Variants in BRD4 observed in about 807,000 individuals in gnomAD.
BRD4 encodes the protein bromodomain-containing protein 4.
A neutral mutation model predicts 142.1 loss-of-function variants in BRD4; 16 were observed. The observed-to-expected ratio is 0.11, with a 90% CI of 0.08 to 0.17. The LOEUF (loss-of-function observed/expected upper bound fraction) is 0.17, where lower values mean the gene tolerates loss of function less well. BRD4 is among the 10% of genes least tolerant of loss of function. The pLI, the probability that BRD4 is intolerant of heterozygous loss-of-function variation, is 1.00. For missense variants in BRD4, 1,424 were observed against 1,810.9 expected (o/e 0.79, Z 3.88); for synonymous variants, 833 against 707.5 (o/e 1.18, Z -2.82).
In BRD4 at chr19:15,257,864, C is replaced by T. The variant is rs990706162; in HGVS notation, c.1342-691G>A. Reference sequence around the variant, plus strand: ...CAGGCTACAGGAGGGAGCCACTGTGCGCAGGAGACCCTAAGACCTTTCAAC... The same window carrying T: ...CAGGCTACAGGAGGGAGCCACTGTGTGCAGGAGACCCTAAGACCTTTCAAC... On this transcript the variant is annotated intron_variant, in intron 7 of 19. Transcript: ENST00000679869. 3.3e-5 allele frequency among the ~76,000 whole-genome samples: 5 copies of T among 152,144 alleles called. No homozygotes were observed. The South Asian group carries it at 6.2e-4, about 19-fold the overall frequency.
chr19:15,297,348 G>A (rs1266398477), intron 1 of BRD4, among the ~76,000 whole-genome samples: 1 of 152,136 alleles, frequency 6.6e-6, no homozygotes, highest in Non-Finnish European at 1.5e-5. Flanking sequence ...GAGAGCCGCT[G>A]CTAAGAAAAC....
Position 15,327,918 on chromosome 19 carries a change from T to TGGGGG in BRD4, c.-35+4367_-35+4371dup, listed in dbSNP as rs71176403. Among the ~76,000 whole-genome samples, 43 of 17,840 alleles carry TGGGGG rather than the reference T, an allele frequency of 2.4e-3. 1 individual carries two copies. Among genetic ancestry groups the TGGGGG allele is most frequent in the East Asian group, 5.1e-3 (2 of 394 alleles). 11.7% of individuals were successfully genotyped at this position (17,840 alleles called of 152,430 possible). A position where few individuals can be genotyped will look rare whatever the true frequency, so the allele number is the denominator to read the frequency against. On this transcript the variant is annotated intron_variant, in intron 1 of 19. Transcript: ENST00000679869. ...GGAATGATAGGTAATGGATTTCTTT[T>TGGGGG]GGGGGGGGGGGGTGGAAATGTCCTA... is the stretch of plus-strand genomic sequence containing the variant.
chr19:15,288,530 C>T (rs1337551768), intron 1 of BRD4, among the ~76,000 whole-genome samples: 6 of 152,250 alleles, frequency 3.9e-5, no homozygotes, highest in African/African-American at 9.6e-5. Context: ...AGAATTCATC[C>T]GGAACTGCAG....
chr19:15,288,479 A>G (rs796660506), intron 1 of BRD4, among the ~76,000 whole-genome samples: 5 of 152,362 alleles, frequency 3.3e-5, no homozygotes, highest in African/African-American at 1.2e-4. Context: ...TCACCCATCA[A>G]AAATCAGCTC....
chr19:15,323,810 G>A (rs928026378), intron 1 of BRD4, among the ~76,000 whole-genome samples: 1 of 152,168 alleles, frequency 6.6e-6, no homozygotes, highest in Admixed American at 6.5e-5. Flanking sequence ...TACTAAGTAG[G>A]AAGGGCCTGG....
chr19:15,299,450 ATCAAC>A (rs1235128292), intron 1 of BRD4, among the ~76,000 whole-genome samples: 1 of 152,218 alleles, frequency 6.6e-6, no homozygotes, highest in Non-Finnish European at 1.5e-5. Context: ...CAGCAAAGTA[ATCAAC>A]TCAAGAGTCC....
chr19:15,280,565 G>C, intron 1 of BRD4: 1 of 554,724 alleles, frequency 1.8e-6, no homozygotes, highest in Non-Finnish European at 2.3e-6. Context: ...CCACTGTGCT[G>C]AAGTCATGAG....
intron 1 of BRD4, among the ~76,000 whole-genome samples, chr19:15,273,585 C>A (rs748100532): frequency 2.6e-5 from 4 of 152,182 alleles, no homozygotes; most frequent in Non-Finnish European, 5.9e-5. Context: ...CACAAAGCAT[C>A]GAGCAAAGTC....
At chr19:15,248,932 G>C (rs2047316114) in intron 11 of BRD4, 1 of 441,294 alleles carries the variant, frequency 2.3e-6, no homozygotes, top group East Asian at 3.8e-5. Context: ...TTTGCACACA[G>C]AGTAGCACCA....
chr19:15,281,137 C>T (rs1323987288), intron 1 of BRD4, among the ~76,000 whole-genome samples: 1 of 152,242 alleles, frequency 6.6e-6, no homozygotes, highest in Non-Finnish European at 1.5e-5. Flanking sequence ...CCAGACTGCG[C>T]CGCCTGGAGC....
At chr19:15,310,871 T>C (rs1352667862) in intron 1 of BRD4, among the ~76,000 whole-genome samples, 3 of 152,166 alleles carry the variant, frequency 2.0e-5, no homozygotes, top group African/African-American at 7.2e-5. Context: ...CCTTTGTGCC[T>C]ACTCTTCACC....
chr19:15,313,893 G>A (rs2047995302), intron 1 of BRD4, among the ~76,000 whole-genome samples: 1 of 152,100 alleles, frequency 6.6e-6, no homozygotes, highest in South Asian at 2.1e-4. Context: ...CTCAGCACAA[G>A]TAACTGCTCA....
At chr19:15,252,153 T>C (rs1002421648) in intron 11 of BRD4, among the ~76,000 whole-genome samples, 1 of 151,850 alleles carries the variant, frequency 6.6e-6, no homozygotes, top group Non-Finnish European at 1.5e-5. Context: ...GCATTCCCAC[T>C]CCTCTCCCAA....
chr19:15,322,185 G>A (rs1342618678), intron 1 of BRD4, among the ~76,000 whole-genome samples: 1 of 152,114 alleles, frequency 6.6e-6, no homozygotes, highest in Non-Finnish European at 1.5e-5. Flanking sequence ...CTTGAAAATT[G>A]TGACACCCTC....
chr19:15,239,916 C>T lies in BRD4; in HGVS notation c.3276G>A (p.Lys1092=). The T allele has an allele frequency of 1.9e-6, 3 of 1,614,106 alleles. No individual in the cohort carries two copies. Among genetic ancestry groups the T allele is most frequent in the Non-Finnish European group, 2.5e-6 (3 of 1,180,012 alleles). Residue 1092 remains lysine, a synonymous_variant, in exon 15 of 20, where the codon AAG becomes AAA. Coordinates refer to ENST00000679869, the MANE Select transcript of BRD4 (RefSeq NM_001379291.1). This position sits in a 1 kb window ranked among gnomAD's most constrained non-coding sequence, Gnocchi z 7.4. ...GCCCAGCCCTGCCAGTTACCTGTTT[C>T]TTAGGCTGGACGTTTTGCTGGGGTG... is the stretch of plus-strand genomic sequence containing the variant. The part of the protein sequence containing the change: ...QSPPQQNVQP[K]KQELRAASVV...
intron 1 of BRD4, among the ~76,000 whole-genome samples, chr19:15,327,280 T>G (rs1405273107): frequency 6.6e-6 from 1 of 152,214 alleles, no homozygotes; most frequent in Non-Finnish European, 1.5e-5. Context: ...GGCTCACGCC[T>G]GTAATCCCAG....
intron 1 of BRD4, among the ~76,000 whole-genome samples, chr19:15,291,895 C>T (rs2047784506): frequency 6.6e-6 from 1 of 152,178 alleles, no homozygotes; most frequent in African/African-American, 2.4e-5. Context: ...TGTATATCTT[C>T]CTGAGTCAAA....
At chr19:15,309,909 G>A (rs1201178563) in intron 1 of BRD4, among the ~76,000 whole-genome samples, 1 of 152,150 alleles carries the variant, frequency 6.6e-6, no homozygotes, top group Non-Finnish European at 1.5e-5. Context: ...ACTGAGTGCG[G>A]AGAGAGGCAG....
chr19:15,264,374 T>C (rs748750812), intron 6 of BRD4, 30 bp downstream of exon 6: 2 of 1,566,390 alleles, frequency 1.3e-6, no homozygotes, highest in African/African-American at 1.3e-5. Flanking sequence ...CTGCCCACCT[T>C]GTCCCTTCCC....
Sources: allele counts gnomAD v4.1 joint callset (sites outside exome capture counted in the v4.1 genomes callset), GRCh38; gene constraint gnomAD v4.1.1; non-coding constraint Gnocchi (gnomAD v3.1); transcripts MANE v1.5; gene names NCBI Gene and HGNC (gene_info 2026-07-23, HGNC 2026-07-21).